Variants in PTPRB observed in about 807,000 individuals in gnomAD.
The protein encoded by PTPRB is receptor-type tyrosine-protein phosphatase beta.
In PTPRB, 97 loss-of-function variants were observed where a neutral mutation model predicts 238.1. The ratio of observed to expected loss-of-function variants is 0.41; its 90% CI spans 0.35 to 0.48. The LOEUF (loss-of-function observed/expected upper bound fraction) is 0.48, where lower values mean the gene tolerates loss of function less well. Among genes scored for constraint, PTPRB ranks in the 20% least tolerant of loss-of-function variants. The probability of loss-of-function intolerance (pLI) is 0.30; values close to 1 mark genes in which losing one functional copy is unlikely to be tolerated. For missense variants in PTPRB, 2,292 were observed against 2,681.9 expected (o/e 0.85, Z 3.21); for synonymous variants, 970 against 995.4 (o/e 0.97, Z 0.48).
intron 11 of PTPRB, 137 bp from the exon 12 acceptor site, chr12:70,572,224 GT>G: frequency 2.2e-6 from 2 of 909,196 alleles, no homozygotes; most frequent in South Asian, 3.4e-5. Context: ...TAGACCTTAG[GT>G]TACAAATTTC....
rs144532682 is a variant in PTPRB, at chr12:70,583,417, C to T, written c.2312-2115G>A. On this transcript the variant is annotated intron_variant, in intron 9 of 33. Transcript: ENST00000334414. ...ATAGAGAGGTAATTGGATCATAAAG[C>T]GAACTGTTGTGTTGAGAGCACCTTT... is the stretch of plus-strand genomic sequence containing the variant. Among the ~76,000 whole-genome samples, 22 of 152,144 alleles carry T rather than the reference C, an allele frequency of 1.4e-4. No homozygotes were observed. In the East Asian group the frequency reaches 2.1e-3, roughly 15 times the overall value.
At chr12:70,554,558 A>G (rs917970969) in intron 20 of PTPRB, among the ~76,000 whole-genome samples, 5 of 152,246 alleles carry the variant, frequency 3.3e-5, no homozygotes, top group African/African-American at 1.2e-4. Context: ...CTTTGTTCTT[A>G]TCTGTAGGAA....
At chr12:70,547,889 A>G (rs1205469308) in intron 21 of PTPRB, among the ~76,000 whole-genome samples, 1 of 152,216 alleles carries the variant, frequency 6.6e-6, no homozygotes, top group African/African-American at 2.4e-5. Context: ...ATTACTTCAG[A>G]GGTTTGGAAC....
At chr12:70,524,828 T>C (rs1376664920) in intron 32 of PTPRB, among the ~76,000 whole-genome samples, 1 of 151,622 alleles carries the variant, frequency 6.6e-6, no homozygotes, top group East Asian at 1.9e-4. Context: ...TATATGTGTG[T>C]GTGCATATAT....
intron 10 of PTPRB, among the ~76,000 whole-genome samples, chr12:70,579,230 G>A (rs796941266): frequency 4.6e-5 from 7 of 152,262 alleles, no homozygotes; most frequent in African/African-American, 1.7e-4. Flanking sequence ...GAATTATTGT[G>A]TGTGGATTAA....
In PTPRB at chr12:70,521,434, T is replaced by C. The variant is rs1203199735; in HGVS notation, c.*55A>G. The C allele has an allele frequency of 1.4e-5, 21 of 1,476,406 alleles. No homozygotes were observed. Among genetic ancestry groups the C allele is most frequent in the Non-Finnish European group, 1.9e-5 (21 of 1,102,090 alleles). The allele number at this position is 1,476,406 out of a possible 1,614,324, so 91.5% of individuals were successfully genotyped here. ...CTCTGTAGGGCATGAAGCAAGTTTT[T>C]AAAAACAAATCACACAGTGAATAAT... is the stretch of plus-strand genomic sequence containing the variant. On this transcript the variant is annotated 3_prime_UTR_variant, in exon 34 of 34. Transcript: ENST00000334414.
intron 3 of PTPRB, among the ~76,000 whole-genome samples, chr12:70,621,934 C>T (rs111813682): frequency 1.4e-3 from 215 of 152,274 alleles, no homozygotes; most frequent in African/African-American, 4.8e-3. Flanking sequence ...GGAAGTGGTA[C>T]GTGACTTTTG....
At chr12:70,553,357 T>C (rs1300917451) in intron 20 of PTPRB, among the ~76,000 whole-genome samples, 1 of 152,192 alleles carries the variant, frequency 6.6e-6, no homozygotes, top group African/African-American at 2.4e-5. Context: ...TGAACCCACT[T>C]GATAAACTAT....
intron 32 of PTPRB, among the ~76,000 whole-genome samples, chr12:70,531,066 C>T (rs1873158051): frequency 6.6e-6 from 1 of 152,156 alleles, no homozygotes; most frequent in Non-Finnish European, 1.5e-5. Context: ...TTTTTATTTT[C>T]ATTTCTCTGG....
At chr12:70,536,545 A>C (rs1448949916) in intron 28 of PTPRB, among the ~76,000 whole-genome samples, 2 of 152,206 alleles carry the variant, frequency 1.3e-5, no homozygotes, top group Admixed American at 6.5e-5. Flanking sequence ...TCAATGTCAG[A>C]ATAATTTGGT....
At position 70,559,840 on chromosome 12, in the gene PTPRB, C is replaced by CT. The variant is rs10708359; in HGVS notation, c.4433-217dup. ...ATGTACTTTTTTTTTTTTTTTTTCA[C>CT]TTTTTTTTTTTTGAGACAGAGTTTT... On this transcript the variant is annotated intron_variant, in intron 17 of 33. Coordinates refer to ENST00000334414, the MANE Select transcript of PTPRB (RefSeq NM_001109754.4). 2.7e-3 allele frequency among the ~76,000 whole-genome samples: 320 copies of CT among 118,144 alleles called. 1 individual carries two copies. Among genetic ancestry groups the CT allele is most frequent in the African/African-American group, 8.9e-3 (266 of 29,900 alleles). 77.5% of individuals were successfully genotyped at this position (118,144 alleles called of 152,430 possible).
intron 3 of PTPRB, among the ~76,000 whole-genome samples, chr12:70,615,980 A>G (rs1884660209): frequency 6.6e-6 from 1 of 152,280 alleles, no homozygotes; most frequent in South Asian, 2.1e-4. Flanking sequence ...TTAAATCCAC[A>G]GTCTATATTT....
At chr12:70,589,381 G>A (rs1231738609) in intron 8 of PTPRB, among the ~76,000 whole-genome samples, 1 of 152,172 alleles carries the variant, frequency 6.6e-6, no homozygotes, top group African/African-American at 2.4e-5. Context: ...GTTGAACTTG[G>A]AAGTGCAACT....
chr12:70,523,568 G>C (rs544613745), intron 33 of PTPRB, among the ~76,000 whole-genome samples: 3 of 152,030 alleles, frequency 2.0e-5, no homozygotes, highest in Non-Finnish European at 2.9e-5. Flanking sequence ...AAAGCTTATT[G>C]CTTGGAAAAG....
intron 23 of PTPRB, 157 bp from the exon 24 acceptor site, chr12:70,540,179 A>G: frequency 1.6e-6 from 1 of 612,018 alleles, no homozygotes; most frequent in African/African-American, 1.8e-5. Flanking sequence ...GAGGGAAAGG[A>G]AAGAGAATAA....
chr12:70,558,490 A>T (rs1477329469), intron 18 of PTPRB, among the ~76,000 whole-genome samples: 8 of 152,052 alleles, frequency 5.3e-5, no homozygotes, highest in African/African-American at 1.9e-4. Flanking sequence ...GTATTATTGA[A>T]ACACAAATAT....
intron 23 of PTPRB, 34 bp downstream of exon 23, chr12:70,540,824 T>C: frequency 6.7e-7 from 1 of 1,485,510 alleles, no homozygotes; most frequent in Non-Finnish European, 9.2e-7. Flanking sequence ...TTTAAAGTTG[T>C]GGGTCCAATC....
At chr12:70,541,728 G>T (rs10784859) in intron 22 of PTPRB, 29,899 of 152,002 alleles carry the variant, frequency 0.2, 3,016 homozygotes, top group Non-Finnish European at 0.23. Flanking sequence ...TGATCTTTTG[G>T]GACTGGCTCC....
At chr12:70,545,670 A>C (rs1482347161) in intron 21 of PTPRB, among the ~76,000 whole-genome samples, 1 of 152,206 alleles carries the variant, frequency 6.6e-6, no homozygotes, top group African/African-American at 2.4e-5. Flanking sequence ...AGTCAGGCCA[A>C]GGACACAGGG....
Sources: allele counts gnomAD v4.1 joint callset (sites outside exome capture counted in the v4.1 genomes callset), GRCh38; gene constraint gnomAD v4.1.1; transcripts MANE v1.5; gene names NCBI Gene and HGNC (gene_info 2026-07-23, HGNC 2026-07-21).